The following ASAH2 variants were observed in gnomAD, a reference collection of about 807,000 sequenced individuals.
ASAH2 encodes the protein neutral ceramidase.
Under a neutral mutation model 82.9 loss-of-function variants are expected in ASAH2, and 58 were observed. The observed-to-expected ratio is 0.70, with a 90% CI of 0.57 to 0.87. ASAH2 has a LOEUF of 0.87. Among genes scored for constraint, ASAH2 ranks in the 40% least tolerant of loss-of-function variants. ASAH2 has a pLI of 0.00. For synonymous variants in ASAH2, 276 were observed against 289.7 expected, an observed-to-expected ratio of 0.95 and a Z score of 0.48; for missense variants, 779 against 834.0, an observed-to-expected ratio of 0.93 and a Z score of 0.81.
At chr10:50,215,658 T>C (rs1845573004) in intron 8 of ASAH2, among the ~76,000 whole-genome samples, 2 of 152,142 alleles carry the variant, frequency 1.3e-5, no homozygotes, top group South Asian at 4.1e-4. Flanking sequence ...CAATGGTCTA[T>C]ATGTCTGTTT....
intron 7 of ASAH2, among the ~76,000 whole-genome samples, chr10:50,228,010 G>A (rs1845935027): frequency 6.6e-6 from 1 of 152,078 alleles, no homozygotes; most frequent in Non-Finnish European, 1.5e-5. Flanking sequence ...AGAAAAAGAG[G>A]TTCAGTGAAA....
intron 10 of ASAH2, 37 bp from the exon 11 acceptor site, chr10:50,211,171 G>T: frequency 1.4e-6 from 2 of 1,433,014 alleles, no homozygotes; most frequent in African/African-American, 1.4e-5. Flanking sequence ...CAAGCAAAAA[G>T]GCTAAAGTGA....
intron 7 of ASAH2, among the ~76,000 whole-genome samples, chr10:50,218,889 C>T (rs996934342): frequency 6.6e-6 from 1 of 152,192 alleles, no homozygotes; most frequent in African/African-American, 2.4e-5. Context: ...CATCATTGGA[C>T]TGGTCAGTTA....
intron 8 of ASAH2, among the ~76,000 whole-genome samples, chr10:50,215,292 C>T (rs1466485141): frequency 6.6e-6 from 1 of 151,300 alleles, no homozygotes; most frequent in Non-Finnish European, 1.5e-5. Flanking sequence ...ATATGGCTAG[C>T]CAGTTTCCCC....
intron 12 of ASAH2, among the ~76,000 whole-genome samples, chr10:50,207,116 A>G (rs1845321140): frequency 6.6e-6 from 1 of 151,942 alleles, no homozygotes; most frequent in Admixed American, 6.6e-5. Context: ...ATCTGGAAAT[A>G]CTTTATCATG....
At position 50,185,936 on chromosome 10, in the gene ASAH2, G is replaced by A. The variant is rs889640076; in HGVS notation, c.*1379C>T. 1.4e-5 allele frequency: 2 copies of A among 147,650 alleles called. No homozygotes were observed. Among genetic ancestry groups the A allele is most frequent in the African/African-American group, 5.2e-5 (2 of 38,820 alleles). 9.1% of individuals were successfully genotyped at this position (147,650 alleles called of 1,614,324 possible). A position where few individuals can be genotyped will look rare whatever the true frequency, so the allele number is the denominator to read the frequency against. On this transcript the variant is annotated 3_prime_UTR_variant, in exon 21 of 21. Coordinates refer to ENST00000682911, the MANE Select transcript of ASAH2 (RefSeq NM_019893.4). ...ATACAAAAGTATGACCTGGGGTTTG[G>A]AAATTTGCTTTGCAGTCTGGGAGGT...
At chr10:50,203,031 A>G in intron 15 of ASAH2, 107 bp from the exon 16 acceptor site, 1 of 819,410 alleles carries the variant, frequency 1.2e-6, no homozygotes, top group Non-Finnish European at 2.0e-6. Flanking sequence ...AGTTTAAGAT[A>G]TTTTTCTTAA....
intron 9 of ASAH2, among the ~76,000 whole-genome samples, chr10:50,213,817 A>G (rs1316240176): frequency 6.6e-6 from 1 of 152,178 alleles, no homozygotes; most frequent in Admixed American, 6.6e-5. Context: ...AAAGTCGATA[A>G]GAAAAAAATC....
In ASAH2 at chr10:50,208,689, T is replaced by C. The variant is rs1032209047; in HGVS notation, c.1414+2134A>G. Reference sequence around the variant, plus strand: ...GTCTAAATGAATCCTAAAACATCTATGTACGTGGATCAGATTACATAATAT... The same window carrying C: ...GTCTAAATGAATCCTAAAACATCTACGTACGTGGATCAGATTACATAATAT... On this transcript the variant is annotated intron_variant, in intron 12 of 20. Coordinates refer to ENST00000682911, the MANE Select transcript of ASAH2 (RefSeq NM_019893.4). Among the ~76,000 whole-genome samples the C allele has an allele frequency of 2.8e-3, 420 of 152,266 alleles. 1 individual carries two copies. Among genetic ancestry groups the C allele is most frequent in the African/African-American group, 8.3e-3 (345 of 41,574 alleles).
In ASAH2 at chr10:50,214,769, C is replaced by T. The variant is rs1265280264; in HGVS notation, c.1114G>A (p.Ala372Thr). 3.7e-6 allele frequency: 6 copies of T among 1,613,730 alleles called. No homozygotes were observed. Among genetic ancestry groups the T allele is most frequent in the East Asian group, 2.2e-5 (1 of 44,872 alleles). The change falls in exon 9 of 21, where the codon GCC becomes ACC. Residue 372 changes from alanine to threonine, a missense_variant. By Grantham distance (58) the Ala-to-Thr change is moderately conservative. Coordinates refer to ENST00000682911, the MANE Select transcript of ASAH2 (RefSeq NM_019893.4). ...CCACCAATGGGACAAGTGCTATTGG[C>T]GTTATCACAGGACTCTCCTGTGTTG... ...CINTGESCDN[A>T]NSTCPIGGPS...
chr10:50,216,276 G>T (rs1845598894), intron 8 of ASAH2, among the ~76,000 whole-genome samples: 1 of 150,710 alleles, frequency 6.6e-6, no homozygotes, highest in African/African-American at 2.4e-5. Flanking sequence ...TGCATGTTCT[G>T]CACATGTATC....
rs933091556 is a variant in ASAH2 at position 50,238,328 on chromosome 10, C to T, written c.511-2264G>A. On this transcript the variant is annotated intron_variant, in intron 4 of 20. Coordinates refer to ENST00000682911, the MANE Select transcript of ASAH2 (RefSeq NM_019893.4). ...GGTGAAGATCTACACCATTCTCATT[C>T]CAGTCATAACCACCTTGCCTCATTA... is the stretch of plus-strand genomic sequence containing the variant. Among the ~76,000 whole-genome samples, 316 of 152,236 alleles carry T rather than the reference C, an allele frequency of 2.1e-3. 2 individuals carry two copies. The highest frequency in any genetic ancestry group is 6.9e-3 in the African/African-American group (288 of 41,546).
At chr10:50,233,014 C>G (rs1044091568) in intron 7 of ASAH2, among the ~76,000 whole-genome samples, 170 bp downstream of exon 7, 2 of 152,038 alleles carry the variant, frequency 1.3e-5, no homozygotes, top group Admixed American at 1.3e-4. Context: ...GACTGAGAAC[C>G]CTGTACAAGG....
chr10:50,197,890 A>G (rs917710425), intron 17 of ASAH2, among the ~76,000 whole-genome samples: 6 of 151,904 alleles, frequency 3.9e-5, no homozygotes, highest in African/African-American at 1.4e-4. Context: ...TTTTCTGTAT[A>G]ATCTGAATGA....
chr10:50,230,527 AG>A (rs1845995933), intron 7 of ASAH2, among the ~76,000 whole-genome samples: 2 of 152,184 alleles, frequency 1.3e-5, no homozygotes, highest in Non-Finnish European at 2.9e-5. Flanking sequence ...ATGCAACAAG[AG>A]GCAATTGCAG....
chr10:50,208,894 C>T (rs1000659394), intron 12 of ASAH2, among the ~76,000 whole-genome samples: 1 of 152,086 alleles, frequency 6.6e-6, no homozygotes, highest in African/African-American at 2.4e-5. Context: ...GACATACTTT[C>T]TGATCTTAAA....
chr10:50,214,064 C>T (rs1301914357), intron 9 of ASAH2, among the ~76,000 whole-genome samples: 1 of 152,112 alleles, frequency 6.6e-6, no homozygotes, highest in Non-Finnish European at 1.5e-5. Context: ...AAACATATCA[C>T]ACAGATCTGG....
chr10:50,247,484 T>C (rs774217777), intron 2 of ASAH2, among the ~76,000 whole-genome samples: 2 of 152,216 alleles, frequency 1.3e-5, no homozygotes, highest in African/African-American at 4.8e-5. Flanking sequence ...TAATTCTTAA[T>C]GATCCTTTCA....
chr10:50,245,333 T>A lies in ASAH2; in HGVS notation c.249A>T (p.Gln83His). Residue 83 changes from glutamine to histidine, a missense_variant, in exon 3 of 21, where the codon CAA becomes CAT. By Grantham distance (24) the Gln-to-His change is conservative (BLOSUM62 0). Around this residue, in one of 3 missense-constraint regions of ASAH2, gnomAD observed 759 missense variants for 755.2 expected, o/e 1.00. Coordinates refer to ENST00000682911, the MANE Select transcript of ASAH2 (RefSeq NM_019893.4). ...CTGGGGTTAAAGGCACTGGAGAAGTTTGAGTGGCTGTGGAGCTCTGGGTGG... is the reference window on the plus strand; with the variant it reads ...CTGGGGTTAAAGGCACTGGAGAAGTATGAGTGGCTGTGGAGCTCTGGGTGG... ...STATQSSTAT[Q>H]TSPVPLTPES... 1 of 1,613,912 alleles carries A rather than the reference T, an allele frequency of 6.2e-7. No homozygotes were observed. The highest frequency in any genetic ancestry group is 8.5e-7 in the Non-Finnish European group (1 of 1,179,968).
Sources: gnomAD v4.1 joint callset for allele counts (sites outside exome capture counted in the v4.1 genomes callset) on GRCh38, gnomAD v4.1.1 for gene constraint, gnomAD v4.1.1 regional missense constraint, MANE v1.5 for transcripts, NCBI Gene and HGNC (gene_info 2026-07-23, HGNC 2026-07-21) for gene names.